The following FOXO3 variants were observed in gnomAD, a reference collection of about 807,000 sequenced individuals.
FOXO3 encodes the protein forkhead box O3.
In FOXO3, 4 loss-of-function variants were observed where a neutral mutation model predicts 41.9. The ratio of observed to expected loss-of-function variants is 0.10; its 90% CI spans 0.05 to 0.22. The LOEUF is 0.22. Ranked by LOEUF, FOXO3 falls within the 10% of genes least tolerant of loss-of-function variation. FOXO3 has a pLI of 1.00. For missense variants in FOXO3, 534 were observed against 906.8 expected (o/e 0.59, Z 5.28); for synonymous variants, 318 against 389.3 (o/e 0.82, Z 2.16).
chr6:108,601,596 A>C (rs1582765760), intron 1 of FOXO3, among the ~76,000 whole-genome samples: 2 of 152,060 alleles, frequency 1.3e-5, no homozygotes, highest in South Asian at 4.1e-4. Flanking sequence ...GAGCCACCGC[A>C]CCCAGCCCCC....
At chr6:108,609,200 C>G (rs1336348942) in intron 1 of FOXO3, among the ~76,000 whole-genome samples, 1 of 152,182 alleles carries the variant, frequency 6.6e-6, no homozygotes, top group African/African-American at 2.4e-5. Flanking sequence ...AATGGATTAT[C>G]TCTAAGCCTT....
chr6:108,614,514 A>G (rs1381180706), intron 1 of FOXO3, among the ~76,000 whole-genome samples: 1 of 152,064 alleles, frequency 6.6e-6, no homozygotes, highest in Non-Finnish European at 1.5e-5. Flanking sequence ...CTGTTCATTA[A>G]TAACTGTTAA....
chr6:108,607,455 A>G (rs879419634), intron 1 of FOXO3, among the ~76,000 whole-genome samples: 12 of 151,918 alleles, frequency 7.9e-5, no homozygotes, highest in Non-Finnish European at 1.8e-4. Flanking sequence ...CTCAAAAAAA[A>G]AAAAAAAAAA....
intron 1 of FOXO3, among the ~76,000 whole-genome samples, chr6:108,634,908 T>A (rs985863354): frequency 1.8e-4 from 27 of 151,978 alleles, no homozygotes; most frequent in African/African-American, 6.5e-4. Context: ...GTATTATGTA[T>A]TTTATATATA....
chr6:108,586,705 C>T (rs1287283184), intron 1 of FOXO3, among the ~76,000 whole-genome samples: 2 of 151,964 alleles, frequency 1.3e-5, no homozygotes, highest in Admixed American at 6.6e-5. Context: ...ATTGTCAATA[C>T]TGAGAAGTGG....
At chr6:108,658,097 G>A (rs1045692019) in intron 1 of FOXO3, among the ~76,000 whole-genome samples, 8 of 152,136 alleles carry the variant, frequency 5.3e-5, no homozygotes, top group African/African-American at 1.2e-4. Flanking sequence ...AGTCCCCTGC[G>A]TATAACAAGG....
intron 1 of FOXO3, among the ~76,000 whole-genome samples, chr6:108,569,028 T>G (rs576749235): frequency 1.3e-5 from 2 of 152,372 alleles, no homozygotes; most frequent in Admixed American, 1.3e-4. Flanking sequence ...AGAATTGTTT[T>G]GCCTAAAGTT....
intron 1 of FOXO3, among the ~76,000 whole-genome samples, chr6:108,640,605 G>C (rs1354624479): frequency 6.6e-6 from 1 of 152,028 alleles, no homozygotes; most frequent in Admixed American, 6.6e-5. Flanking sequence ...GAACATTTTA[G>C]CATTTGTTTT....
At chr6:108,620,711 C>T (rs890531416) in intron 1 of FOXO3, among the ~76,000 whole-genome samples, 6 of 152,136 alleles carry the variant, frequency 3.9e-5, no homozygotes, top group Non-Finnish European at 5.9e-5. Context: ...ATAGCTGCTG[C>T]TGTTGGCAGC....
At chr6:108,597,081 A>G (rs916852463) in intron 1 of FOXO3, among the ~76,000 whole-genome samples, 4 of 152,228 alleles carry the variant, frequency 2.6e-5, no homozygotes, top group Non-Finnish European at 5.9e-5. Flanking sequence ...AGATGGCAGC[A>G]GCTAAGTGAG....
chr6:108,676,299 C>T (rs1286105487), intron 2 of FOXO3, among the ~76,000 whole-genome samples: 2 of 152,192 alleles, frequency 1.3e-5, no homozygotes, highest in Non-Finnish European at 2.9e-5. Flanking sequence ...ACTACAATTC[C>T]ATCAGCTGTA....
At chr6:108,602,638 A>C (rs528961744) in intron 1 of FOXO3, among the ~76,000 whole-genome samples, 1 of 152,288 alleles carries the variant, frequency 6.6e-6, no homozygotes, top group Non-Finnish European at 1.5e-5. Context: ...TGTCATAAGC[A>C]ATAGCATTAA....
chr6:108,655,564 C>G (rs998901081), intron 1 of FOXO3, among the ~76,000 whole-genome samples: 5 of 152,134 alleles, frequency 3.3e-5, no homozygotes, highest in Non-Finnish European at 7.4e-5. Context: ...AGGCCTTACC[C>G]CATCTATTGA....
intron 1 of FOXO3, among the ~76,000 whole-genome samples, chr6:108,568,248 C>G (rs1323595287): frequency 6.6e-6 from 1 of 150,950 alleles, no homozygotes; most frequent in African/African-American, 2.4e-5. Flanking sequence ...TGTGTTCATA[C>G]CACTGTACTG....
intron 1 of FOXO3, 119 bp from the exon 2 acceptor site, chr6:108,663,336 G>GAC: frequency 7.0e-7 from 1 of 1,431,326 alleles, no homozygotes; most frequent in South Asian, 1.5e-5. Flanking sequence ...AGCAGAGTGA[G>GAC]ACCTTGTCTC....
chr6:108,631,394 T>TTA (rs1344160000), intron 1 of FOXO3, among the ~76,000 whole-genome samples: 1 of 152,172 alleles, frequency 6.6e-6, no homozygotes, highest in Non-Finnish European at 1.5e-5. Context: ...GGGCCCTGAC[T>TTA]TATACACTTG....
Position 108,682,786 on chromosome 6 carries a change from C to T in FOXO3, c.*2994C>T, listed in dbSNP as rs9400241. The T allele has an allele frequency of 6.6e-6, 1 of 151,698 alleles. No individual in the cohort carries two copies. The highest frequency in any genetic ancestry group is 2.1e-4 in the South Asian group (1 of 4,814). 9.4% of individuals were successfully genotyped at this position (151,698 alleles called of 1,614,324 possible). ...GAATGCTTAGCCTCAAGGGGCCTGG[C>T]AGCTGTAATGTTTGATTTATGATGA... On this transcript the variant is annotated 3_prime_UTR_variant, in exon 3 of 3. Transcript: ENST00000406360.
At chr6:108,659,711 T>TAAC (rs995078678) in intron 1 of FOXO3, among the ~76,000 whole-genome samples, 2 of 152,188 alleles carry the variant, frequency 1.3e-5, no homozygotes, top group African/African-American at 4.8e-5. Flanking sequence ...GAACACCCTG[T>TAAC]GGTTATGGCC....
Position 108,560,958 on chromosome 6 carries a change from T to C in FOXO3, c.-251T>C. 7.6e-7 allele frequency: 1 copy of C among 1,323,072 alleles called. No homozygotes were observed. The highest frequency in any genetic ancestry group is 9.6e-7 in the Non-Finnish European group (1 of 1,043,300). The allele number at this position is 1,323,072 out of a possible 1,614,324, so 82.0% of individuals were successfully genotyped here. ...GGTTCGCTGGCCGCACGTCTTCAGG[T>C]CCTCCTGTTCCTGGGAGGCGGGCGC... On this transcript the variant is annotated 5_prime_UTR_variant, in exon 1 of 3. Coordinates refer to ENST00000406360, the MANE Select transcript of FOXO3 (RefSeq NM_001455.4).
Sources: allele counts gnomAD v4.1 joint callset (sites outside exome capture counted in the v4.1 genomes callset), GRCh38; gene constraint gnomAD v4.1.1; transcripts MANE v1.5; gene names NCBI Gene and HGNC (gene_info 2026-07-23, HGNC 2026-07-21).